Variants in EFCAB5 observed in about 807,000 individuals in gnomAD.
EFCAB5 encodes the protein EF-hand calcium binding domain 5, also known as EF-hand calcium-binding domain-containing protein 5.
A neutral mutation model predicts 167.9 loss-of-function variants in EFCAB5; 131 were observed. That is an observed-to-expected ratio of 0.78 (90% confidence interval 0.68 to 0.90). The LOEUF (loss-of-function observed/expected upper bound fraction) is 0.90. Among genes scored for constraint, EFCAB5 ranks in the 40% least tolerant of loss-of-function variants. The probability of loss-of-function intolerance (pLI) is 0.00; values close to 1 mark genes in which losing one functional copy is unlikely to be tolerated. For missense variants in EFCAB5, 1,663 were observed against 1,745.2 expected (o/e 0.95, Z 0.84); for synonymous variants, 574 against 602.8 (o/e 0.95, Z 0.70).
At chr17:29,999,479 A>T (rs1169101891) in intron 6 of EFCAB5, among the ~76,000 whole-genome samples, 1 of 152,120 alleles carries the variant, frequency 6.6e-6, no homozygotes, top group Non-Finnish European at 1.5e-5. Context: ...GTATTATTTG[A>T]ATTTGTTAAC....
intron 21 of EFCAB5, among the ~76,000 whole-genome samples, 172 bp from the exon 22 acceptor site, chr17:30,092,668 C>T (rs73274852): frequency 0.087 from 13,243 of 152,186 alleles, 1,878 homozygotes; most frequent in African/African-American, 0.3. Context: ...GGATTACAGG[C>T]GTGAGCCACC....
chr17:30,000,397 G>A (rs1424881254), intron 7 of EFCAB5, among the ~76,000 whole-genome samples: 1 of 152,086 alleles, frequency 6.6e-6, no homozygotes, highest in African/African-American at 2.4e-5. Flanking sequence ...TAAATAACTT[G>A]CACACTGTTT....
intron 4 of EFCAB5, among the ~76,000 whole-genome samples, chr17:29,975,010 A>G (rs2068035627): frequency 6.6e-6 from 1 of 152,038 alleles, no homozygotes; most frequent in African/African-American, 2.4e-5. Context: ...TGGGCAACAC[A>G]ATGAGACCCT....
intron 17 of EFCAB5, among the ~76,000 whole-genome samples, chr17:30,082,536 G>A (rs1257814922): frequency 2.0e-5 from 3 of 151,602 alleles, no homozygotes; most frequent in African/African-American, 4.8e-5. Context: ...GATTACAGGT[G>A]TGCACCACCA....
chr17:30,096,714 C>G (rs1001861039), intron 22 of EFCAB5, among the ~76,000 whole-genome samples: 5 of 111,872 alleles, frequency 4.5e-5, no homozygotes, highest in Non-Finnish European at 8.2e-5. Context: ...GAGTCTTGCT[C>G]TGTCACCCAG....
At chr17:30,017,613 A>G (rs1198566591) in intron 7 of EFCAB5, among the ~76,000 whole-genome samples, 1 of 152,206 alleles carries the variant, frequency 6.6e-6, no homozygotes, top group Non-Finnish European at 1.5e-5. Flanking sequence ...TATTCTAAAG[A>G]CATTCTAAGA....
chr17:30,100,676 T>G (rs1285714935), intron 22 of EFCAB5, among the ~76,000 whole-genome samples: 3 of 151,026 alleles, frequency 2.0e-5, no homozygotes, highest in East Asian at 2.0e-4. Context: ...CTGAGGCAGG[T>G]GAATTGTTGC....
chr17:30,046,474 T>C (rs1003643387), intron 8 of EFCAB5, among the ~76,000 whole-genome samples: 2 of 152,214 alleles, frequency 1.3e-5, no homozygotes, highest in Non-Finnish European at 2.9e-5. Context: ...CTGATCATTA[T>C]ATAGAAATCT....
chr17:29,945,293 G>T (rs1324956056), intron 3 of EFCAB5, among the ~76,000 whole-genome samples: 1 of 149,614 alleles, frequency 6.7e-6, no homozygotes, highest in African/African-American at 2.4e-5. Flanking sequence ...ATAGATGTTA[G>T]TTGTAATTTT....
chr17:29,999,077 T>A (rs2068606252), intron 6 of EFCAB5, among the ~76,000 whole-genome samples: 1 of 152,104 alleles, frequency 6.6e-6, no homozygotes, highest in African/African-American at 2.4e-5. Context: ...TTAAATTTTG[T>A]TTTCCAGAGT....
In EFCAB5 at chr17:29,968,866, T is replaced by C. The variant is rs753871438; in HGVS notation, c.266T>C (p.Ile89Thr). ...TCTAAAACTGAAGCCTCAGGTAATA[T>C]TGCAATTAGAAAATCTGCAAAAGTG... ...KDSKTEASGNIAIRKSAKVIF... is the reference protein window; with the variant it reads ...KDSKTEASGNTAIRKSAKVIF... Residue 89 changes from isoleucine (I) to threonine (T), a missense_variant, in exon 4 of 23, where the codon ATT becomes ACT. By Grantham distance (89) the Ile-to-Thr change is moderately conservative. Coordinates refer to ENST00000394835, the MANE Select transcript of EFCAB5 (RefSeq NM_198529.4). 9.0e-6 allele frequency: 14 copies of C among 1,560,190 alleles called. No individual in the cohort carries two copies. Among genetic ancestry groups the C allele is most frequent in the South Asian group, 1.2e-5 (1 of 83,922 alleles).
At chr17:30,094,689 A>G (rs2071264167) in intron 22 of EFCAB5, among the ~76,000 whole-genome samples, 2 of 152,034 alleles carry the variant, frequency 1.3e-5, no homozygotes, top group South Asian at 2.1e-4. Flanking sequence ...CTCAAAAACA[A>G]CAACAACAAA....
chr17:30,002,161 TA>T (rs1337620199), intron 7 of EFCAB5, among the ~76,000 whole-genome samples: 1 of 152,218 alleles, frequency 6.6e-6, no homozygotes, highest in African/African-American at 2.4e-5. Context: ...TGTCAATAAA[TA>T]TTCTTTAAAA....
chr17:30,095,874 TG>T (rs768852449), intron 22 of EFCAB5, among the ~76,000 whole-genome samples: 3 of 152,238 alleles, frequency 2.0e-5, no homozygotes, highest in Non-Finnish European at 4.4e-5. Context: ...TCATCTTGAA[TG>T]GGAATTGTTG....
chr17:30,051,039 T>G (rs2070077821), intron 8 of EFCAB5, 79 bp from the exon 9 acceptor site: 6 of 1,179,674 alleles, frequency 5.1e-6, no homozygotes, highest in Admixed American at 4.0e-5. Context: ...TGATAAAAGC[T>G]TCAATAAGCC....
intron 5 of EFCAB5, among the ~76,000 whole-genome samples, chr17:29,995,728 T>C (rs2151642365): frequency 6.6e-6 from 1 of 152,328 alleles, no homozygotes; most frequent in Non-Finnish European, 1.5e-5. Flanking sequence ...TTTAGTCCTG[T>C]TCAATAAGGG....
intron 8 of EFCAB5, among the ~76,000 whole-genome samples, chr17:30,050,760 A>G (rs2070069268): frequency 6.6e-6 from 1 of 152,248 alleles, no homozygotes; most frequent in Non-Finnish European, 1.5e-5. Context: ...TTTTTTAAAA[A>G]TAACAATGGA....
chr17:30,036,458 C>T (rs2069632823), intron 8 of EFCAB5, among the ~76,000 whole-genome samples: 1 of 149,412 alleles, frequency 6.7e-6, no homozygotes, highest in Non-Finnish European at 1.5e-5. Flanking sequence ...GAGACAGAGC[C>T]TCACTCTATC....
At chr17:29,949,788 A>C (rs1381164891) in intron 3 of EFCAB5, among the ~76,000 whole-genome samples, 3 of 152,168 alleles carry the variant, frequency 2.0e-5, no homozygotes, top group African/African-American at 7.2e-5. Context: ...CTACAGTGGT[A>C]ACCAAACACA....
Sources: gnomAD v4.1 joint callset for allele counts (sites outside exome capture counted in the v4.1 genomes callset) on GRCh38, gnomAD v4.1.1 for gene constraint, MANE v1.5 for transcripts, NCBI Gene and HGNC (gene_info 2026-07-23, HGNC 2026-07-21) for gene names.